Variants in TANK observed in about 807,000 individuals in gnomAD.
TANK encodes the protein TRAF family member associated NFKB activator.
TANK carries 15 observed loss-of-function variants against 43.6 expected under a neutral mutation model. The ratio of observed to expected loss-of-function variants is 0.34; its 90% CI spans 0.23 to 0.53. The LOEUF (loss-of-function observed/expected upper bound fraction) is 0.53. Ranked by LOEUF, TANK falls within the 20% of genes least tolerant of loss-of-function variation. The pLI is 0.94. For synonymous variants in TANK, 162 were observed against 178.2 expected (o/e 0.91, Z 0.73); for missense variants, 417 against 498.6 (o/e 0.84, Z 1.56).
chr2:161,191,731 T>C (rs1437468134), intron 2 of TANK, among the ~76,000 whole-genome samples: 1 of 152,202 alleles, frequency 6.6e-6, no homozygotes, highest in African/African-American at 2.4e-5. Context: ...GGTTTGTACA[T>C]ATAAACCTAC....
rs551273211 is a variant in TANK, at chr2:161,224,617, A to ATT, written c.405-4_405-3dup. Reference sequence around the variant, plus strand: ...TATAGCTTTACATTTTAAAATGTTGATTTTTTTTTTTAGGGGTAATATAGA... The same window carrying ATT: ...TATAGCTTTACATTTTAAAATGTTGATTTTTTTTTTTTTAGGGGTAATATAGA... On this transcript the variant is annotated splice_polypyrimidine_tract_variant and intron_variant, in intron 5 of 7. Transcript: ENST00000392749. The ATT allele has an allele frequency of 1.6e-4, 168 of 1,045,538 alleles. No homozygotes were observed. The highest frequency in any genetic ancestry group is 4.9e-4 in the South Asian group (25 of 51,382). 64.8% of individuals were successfully genotyped at this position (1,045,538 alleles called of 1,614,324 possible).
intron 1 of TANK, among the ~76,000 whole-genome samples, chr2:161,143,963 G>T (rs1485304939): frequency 6.6e-6 from 1 of 152,030 alleles, no homozygotes; most frequent in Non-Finnish European, 1.5e-5. Context: ...TTGGTTGGTA[G>T]GGTATTAATT....
intron 2 of TANK, among the ~76,000 whole-genome samples, chr2:161,180,484 C>T (rs1685369148): frequency 6.6e-6 from 1 of 152,132 alleles, no homozygotes; most frequent in South Asian, 2.1e-4. Flanking sequence ...TCTCATAATG[C>T]TACATTTATT....
At chr2:161,137,380 A>G in intron 1 of TANK, 1 of 288,078 alleles carries the variant, frequency 3.5e-6, no homozygotes, top group Non-Finnish European at 5.2e-6. Flanking sequence ...AAATAAGTAA[A>G]TAATGGGGTC....
intron 4 of TANK, chr2:161,222,901 T>A (rs906918777): frequency 6.6e-6 from 1 of 152,012 alleles, no homozygotes; most frequent in Non-Finnish European, 1.5e-5. Flanking sequence ...GATATTAATT[T>A]TAAGAAAAAC....
chr2:161,192,827 A>G (rs1685979113), intron 2 of TANK, among the ~76,000 whole-genome samples: 1 of 152,214 alleles, frequency 6.6e-6, no homozygotes, highest in African/African-American at 2.4e-5. Context: ...TAGACTCAGA[A>G]ATGTTGATTT....
intron 1 of TANK, among the ~76,000 whole-genome samples, chr2:161,145,888 G>T (rs1432634555): frequency 6.6e-6 from 1 of 150,732 alleles, no homozygotes; most frequent in Non-Finnish European, 1.5e-5. Context: ...GGTTGGGGAA[G>T]TTCTCCTGGA....
chr2:161,198,268 G>A (rs552583248), intron 2 of TANK, among the ~76,000 whole-genome samples: 2 of 152,226 alleles, frequency 1.3e-5, no homozygotes, highest in Non-Finnish European at 2.9e-5. Flanking sequence ...ACTCAGTAGG[G>A]CAAACATTAA....
intron 4 of TANK, among the ~76,000 whole-genome samples, chr2:161,205,323 TA>T (rs1686599144): frequency 6.6e-6 from 1 of 152,016 alleles, no homozygotes; most frequent in African/African-American, 2.4e-5. Context: ...TATCTCTAAA[TA>T]AATAAATAAA....
chr2:161,142,446 T>C (rs558693793), intron 1 of TANK, among the ~76,000 whole-genome samples: 1 of 152,374 alleles, frequency 6.6e-6, no homozygotes, highest in East Asian at 1.9e-4. Context: ...AAGGATTTTA[T>C]GGTTTTAGGT....
At chr2:161,220,221 A>AT (rs529391421) in intron 4 of TANK, among the ~76,000 whole-genome samples, 139 of 152,350 alleles carry the variant, frequency 9.1e-4, no homozygotes, top group African/African-American at 3.0e-3. Flanking sequence ...TCTTTACTTA[A>AT]TAGAAGCCTT....
chr2:161,207,231 G>A (rs979413268), intron 4 of TANK: 1 of 197,416 alleles, frequency 5.1e-6, no homozygotes, highest in Non-Finnish European at 9.1e-6. Context: ...GAGATAGCCT[G>A]TGTGCAAAGA....
At chr2:161,140,019 T>G (rs1683696841) in intron 1 of TANK, 2 of 782,206 alleles carry the variant, frequency 2.6e-6, no homozygotes, top group East Asian at 2.5e-4. Flanking sequence ...AACTAGAAGG[T>G]TAGTATTTTT....
rs77666160 is a variant in TANK, at chr2:161,178,464, C to CA, written c.-49-1137dup. 4.7e-3 allele frequency among the ~76,000 whole-genome samples: 542 copies of CA among 116,074 alleles called. 3 individuals are homozygous for CA. The highest frequency in any genetic ancestry group is 9.5e-3 in the Admixed American group (108 of 11,420). The allele number at this position is 116,074 out of a possible 152,430, so 76.1% of individuals were successfully genotyped here. A position where few individuals can be genotyped will look rare whatever the true frequency, so the allele number is the denominator to read the frequency against. On this transcript the variant is annotated intron_variant, in intron 1 of 7. Coordinates refer to ENST00000392749, the MANE Select transcript of TANK (RefSeq NM_001199135.3). The stretch of plus-strand genomic sequence containing the variant: ...TCAAAAATAGACAAATTCGTAGAGA[C>CA]AAAAAAAAAAAAAGATTAATGCTTA...
intron 4 of TANK, chr2:161,212,734 A>C (rs1686946536): frequency 1.0e-6 from 1 of 985,294 alleles, no homozygotes; most frequent in East Asian, 1.1e-4. Flanking sequence ...AATAGAGTCG[A>C]TAAGAGTCTA....
At chr2:161,227,213 A>G (rs978749772) in intron 6 of TANK, 13 of 152,234 alleles carry the variant, frequency 8.5e-5, no homozygotes, top group South Asian at 8.3e-4. Flanking sequence ...AACTCAGATT[A>G]TTTTAATGTG....
At chr2:161,188,968 T>G (rs1327889127) in intron 2 of TANK, among the ~76,000 whole-genome samples, 5 of 152,196 alleles carry the variant, frequency 3.3e-5, no homozygotes, top group Non-Finnish European at 5.9e-5. Context: ...TGGAAGATGC[T>G]AGTGTCTTGG....
At chr2:161,204,598 GTAT>G (rs1158299181) in intron 3 of TANK, 74 bp from the exon 4 acceptor site, 3 of 1,325,938 alleles carry the variant, frequency 2.3e-6, no homozygotes, top group Non-Finnish European at 3.1e-6. Context: ...TTTTGAGTTT[GTAT>G]TATTTTTTGC....
At chr2:161,169,117 G>T (rs927970074) in intron 1 of TANK, among the ~76,000 whole-genome samples, 1 of 152,192 alleles carries the variant, frequency 6.6e-6, no homozygotes, top group South Asian at 2.1e-4. Flanking sequence ...TTCAATTAAA[G>T]AAAGAGATGG....
Sources: allele counts gnomAD v4.1 joint callset (sites outside exome capture counted in the v4.1 genomes callset), GRCh38; gene constraint gnomAD v4.1.1; transcripts MANE v1.5; gene names NCBI Gene and HGNC (gene_info 2026-07-23, HGNC 2026-07-21).